The following MROH6 variants were observed in gnomAD, a reference collection of about 807,000 sequenced individuals.
MROH6 encodes maestro heat-like repeat-containing protein family member 6.
Under a neutral mutation model 67.7 loss-of-function variants are expected in MROH6, and 62 were observed. The ratio of observed to expected loss-of-function variants is 0.92; its 90% CI spans 0.75 to 1.13. The LOEUF (loss-of-function observed/expected upper bound fraction) is 1.13, where lower values mean the gene tolerates loss of function less well. MROH6 is among the 50% of genes most tolerant of loss of function. The probability of loss-of-function intolerance (pLI) is 0.00; values close to 1 mark genes in which losing one functional copy is unlikely to be tolerated. For synonymous variants in MROH6, 566 were observed against 470.8 expected (o/e 1.20, Z -2.62); for missense variants, 1,175 against 1,029.1 (o/e 1.14, Z -1.94).
Position 143,567,641 on chromosome 8 carries a change from TGACACAGCC to T in MROH6, c.1894_1902del (p.Gly632_Val634del). 6.4e-7 allele frequency: 1 copy of T among 1,573,042 alleles called. No homozygotes were observed. Among genetic ancestry groups the T allele is most frequent in the Admixed American group, 1.8e-5 (1 of 54,090 alleles). On this transcript the variant is annotated inframe_deletion, in exon 13 of 14. Coordinates refer to ENST00000398882, the MANE Select transcript of MROH6 (RefSeq NM_001100878.2). ...AACAGGGAGTCCAGCAGGTCCTGGTTGACACAGCCGGGGCTGGCGTGGTGGACAAGGAAG... is the reference window on the plus strand; with the variant it reads ...AACAGGGAGTCCAGCAGGTCCTGGTTGGGGCTGGCGTGGTGGACAAGGAAG...
chr8:143,568,741 G>A (rs745442662), intron 9 of MROH6, 22 bp from the exon 10 acceptor site: 4 of 1,455,832 alleles, frequency 2.7e-6, no homozygotes, highest in Admixed American at 5.0e-5. Context: ...GGCGCAGTCA[G>A]GGCAGGCGGA....
chr8:143,567,528 C>G, intron 13 of MROH6, 63 bp from the exon 14 acceptor site: 4 of 1,461,160 alleles, frequency 2.7e-6, no homozygotes. Context: ...GGCCCCTGGC[C>G]CTCCACCCAC....
At chr8:143,570,423 A>G (rs1386056672) in intron 5 of MROH6, 43 bp from the exon 6 acceptor site, 1 of 1,279,718 alleles carries the variant, frequency 7.8e-7, no homozygotes. Flanking sequence ...GGGAGCTGAG[A>G]GGGTGACAGC....
intron 4 of MROH6, 27 bp downstream of exon 4, chr8:143,570,850 C>G: frequency 6.9e-7 from 1 of 1,450,934 alleles, no homozygotes; most frequent in Admixed American, 2.0e-5. Flanking sequence ...CCGCCCCCAC[C>G]CCCTGGTAAT....
chr8:143,569,393 G>A, intron 9 of MROH6, 48 bp downstream of exon 9: 2 of 1,358,848 alleles, frequency 1.5e-6, no homozygotes, highest in Non-Finnish European at 1.9e-6. Flanking sequence ...AAGGGCGGGG[G>A]CGGTGACAGC....
In MROH6 at chr8:143,568,433, C is replaced by G. The variant is rs1243846156; in HGVS notation, c.1644+119G>C. Reference sequence around the variant, plus strand: ...GTAGTAACCTGGCCGCCCGTCACACCTGCCACTGAGGTCCTTGGGATGGGT... The same window carrying G: ...GTAGTAACCTGGCCGCCCGTCACACGTGCCACTGAGGTCCTTGGGATGGGT... On this transcript the variant is annotated intron_variant, in intron 10 of 13. Coordinates refer to ENST00000398882, the MANE Select transcript of MROH6 (RefSeq NM_001100878.2). 7.0e-6 allele frequency: 10 copies of G among 1,438,140 alleles called. No individual in the cohort carries two copies. In the African/African-American group the frequency reaches 9.9e-5, roughly 14 times the overall value. The allele number at this position is 1,438,140 out of a possible 1,614,324, so 89.1% of individuals were successfully genotyped here. A position where few individuals can be genotyped will look rare whatever the true frequency, so the allele number is the denominator to read the frequency against.
At chr8:143,571,896 T>TCCACCC (rs1824067272) in intron 2 of MROH6, 75 bp from the exon 3 acceptor site, 2 of 1,277,856 alleles carry the variant, frequency 1.6e-6, no homozygotes, top group African/African-American at 1.7e-5. Flanking sequence ...GCACCCCACC[T>TCCACCC]CCACCCCCAC....
rs930191507 is a variant in MROH6 at position 143,567,035 on chromosome 8, C to T, written c.*204G>A. 157 of 334,048 alleles carry T rather than the reference C, an allele frequency of 4.7e-4. 1 individual carries two copies. Among genetic ancestry groups the T allele is most frequent in the Non-Finnish European group, 6.7e-4 (130 of 194,552 alleles). The allele number at this position is 334,048 out of a possible 1,614,324, so 20.7% of individuals were successfully genotyped here. A position where few individuals can be genotyped will look rare whatever the true frequency, so the allele number is the denominator to read the frequency against. ...GGGGCTGTGAGAACAAGAGCCCTGA[C>T]GGGGACAGATGGGTGCTGGCTGTCC... is the stretch of plus-strand genomic sequence containing the variant. On this transcript the variant is annotated 3_prime_UTR_variant, in exon 14 of 14. Coordinates refer to ENST00000398882, the MANE Select transcript of MROH6 (RefSeq NM_001100878.2).
rs757730419 is a variant in MROH6, at chr8:143,567,270, C to T, written c.2129G>A (p.Arg710His). The change falls in exon 14 of 14, where the codon CGC (arginine) becomes CAC (histidine). Residue 710 changes from arginine (R) to histidine (H), a missense_variant. Transcript: ENST00000398882. ...TCGGCGGGGTCCGGAGCAGCCCCAG[C>T]GGCCCGCGACGCTCCGGCGCTGGAA... Reference protein sequence around the residue: ...SPFQRRSVAGRWGCSGPRRA With the variant: ...SPFQRRSVAGHWGCSGPRRA The T allele has an allele frequency of 2.2e-4, 270 of 1,222,190 alleles. 3 individuals are homozygous for T. The Middle Eastern group carries it at 5.7e-3, about 26-fold the overall frequency. 75.7% of individuals were successfully genotyped at this position (1,222,190 alleles called of 1,614,324 possible).
rs890982340 is a variant in MROH6, at chr8:143,567,191, G to A, written c.*48C>T. On this transcript the variant is annotated 3_prime_UTR_variant, in exon 14 of 14. Coordinates refer to ENST00000398882, the MANE Select transcript of MROH6 (RefSeq NM_001100878.2). ...AGGGCGGGGACAGGCTGCTATGCGC[G>A]TGGGGTGCCCGAGTCGGACCCTGGC... 105 of 1,090,316 alleles carry A rather than the reference G, an allele frequency of 9.6e-5. 1 individual carries two copies. The highest frequency in any genetic ancestry group is 8.7e-4 in the Admixed American group (20 of 23,008). 67.5% of individuals were successfully genotyped at this position (1,090,316 alleles called of 1,614,324 possible).
chr8:143,571,884 C>T, intron 2 of MROH6, 63 bp from the exon 3 acceptor site: 1 of 1,503,500 alleles, frequency 6.7e-7, no homozygotes, highest in Non-Finnish European at 8.9e-7. Flanking sequence ...CCCCTCTGGC[C>T]TGCACCCCAC....
rs1327841016 is a variant in MROH6, at chr8:143,572,018, T to A, written c.447+15A>T. The A allele has an allele frequency of 4.4e-6, 7 of 1,605,352 alleles. No homozygotes were observed. The highest frequency in any genetic ancestry group is 1.7e-5 in the Admixed American group (1 of 59,100). ...CGGCAGGATTCTGTAGGGCATGAAG[T>A]GGGTGAAGGCTGACCTGGTCCTCCA... On this transcript the variant is annotated intron_variant, in intron 2 of 13. Coordinates refer to ENST00000398882, the MANE Select transcript of MROH6 (RefSeq NM_001100878.2).
Position 143,567,025 on chromosome 8 carries a change from A to C in MROH6, c.*214T>G. The C allele has an allele frequency of 1.5e-5, 5 of 338,954 alleles. No homozygotes were observed. Among genetic ancestry groups the C allele is most frequent in the Non-Finnish European group, 1.6e-5 (3 of 190,254 alleles). 21.0% of individuals were successfully genotyped at this position (338,954 alleles called of 1,614,324 possible). A position where few individuals can be genotyped will look rare whatever the true frequency, so the allele number is the denominator to read the frequency against. Reference sequence around the variant, plus strand: ...CATGCTCCAGGGGGCTGTGAGAACAAGAGCCCTGACGGGGACAGATGGGTG... The same window carrying C: ...CATGCTCCAGGGGGCTGTGAGAACACGAGCCCTGACGGGGACAGATGGGTG... On this transcript the variant is annotated 3_prime_UTR_variant, in exon 14 of 14. Transcript: ENST00000398882.
rs1823873595 is a variant in MROH6, at chr8:143,569,560, C to T, written c.1357G>A (p.Asp453Asn). The change falls in exon 9 of 14, where the codon GAC (aspartate) becomes AAC (asparagine). Residue 453 changes from aspartate (D) to asparagine (N), a missense_variant. Physicochemically the swap from Asp to Asn is conservative, Grantham distance 23. Coordinates refer to ENST00000398882, the MANE Select transcript of MROH6 (RefSeq NM_001100878.2). ...AGCGCTGCACCCACGAGCCGCGCGTCGCCTTCGCCCAGTGCGCCCAGGAGC... is the reference window on the plus strand; with the variant it reads ...AGCGCTGCACCCACGAGCCGCGCGTTGCCTTCGCCCAGTGCGCCCAGGAGC... ...PALLGALGEG[D>N]ARLVGAALGA... The T allele has an allele frequency of 2.6e-6, 4 of 1,544,082 alleles. No individual in the cohort carries two copies. Among genetic ancestry groups the T allele is most frequent in the African/African-American group, 1.4e-5 (1 of 72,878 alleles).
chr8:143,567,008 A>T lies in MROH6; in HGVS notation c.*231T>A. 1 of 334,584 alleles carries T rather than the reference A, an allele frequency of 3.0e-6. No individual in the cohort carries two copies. Among genetic ancestry groups the T allele is most frequent in the Non-Finnish European group, 5.4e-6 (1 of 186,756 alleles). 20.7% of individuals were successfully genotyped at this position (334,584 alleles called of 1,614,324 possible). On this transcript the variant is annotated 3_prime_UTR_variant, in exon 14 of 14. Coordinates refer to ENST00000398882, the MANE Select transcript of MROH6 (RefSeq NM_001100878.2). ...AAGGTTGGGGCATGGGGCATGCTCC[A>T]GGGGGCTGTGAGAACAAGAGCCCTG... is the stretch of plus-strand genomic sequence containing the variant.
In MROH6 at chr8:143,572,686, C is replaced by T. The variant is rs201459550; in HGVS notation, c.29G>A (p.Arg10Gln). The T allele has an allele frequency of 7.5e-4, 1,143 of 1,517,056 alleles. 1 individual carries two copies. The highest frequency in any genetic ancestry group is 9.4e-4 in the Non-Finnish European group (1,067 of 1,135,932). The allele number at this position is 1,517,056 out of a possible 1,614,324, so 94.0% of individuals were successfully genotyped here. A position where few individuals can be genotyped will look rare whatever the true frequency, so the allele number is the denominator to read the frequency against. MAGGVWGRS[R>Q]AREAPVGALT... ...AGCCCCCACGGGAGCCTCCCGGGCC[C>T]GGCTCCGGCCCCACACACCCCCAGC... Residue 10 changes from arginine (R) to glutamine (Q), a missense_variant, in exon 1 of 14, where the codon CGG (arginine) becomes CAG (glutamine). Physicochemically the swap from Arg to Gln is conservative, Grantham distance 43 (BLOSUM62 1). Transcript: ENST00000398882.
chr8:143,572,046 C>T lies in MROH6; in HGVS notation c.434G>A (p.Arg145Gln), dbSNP rs749927588. The change falls in exon 2 of 14, where the codon CGG (arginine) becomes CAG (glutamine). Residue 145 changes from arginine (R) to glutamine (Q), a missense_variant. Arg to Gln is a conservative substitution (Grantham distance 43, BLOSUM62 1). Transcript: ENST00000398882. ...LSSALEARGE[R>Q]LEDQVHALVR... The stretch of plus-strand genomic sequence containing the variant: ...GTGAAGGCTGACCTGGTCCTCCAAC[C>T]GCTCGCCCCGGGCCTCCAGGGCTGA... 47 of 1,611,332 alleles carry T rather than the reference C, an allele frequency of 2.9e-5. No individual in the cohort carries two copies. Among genetic ancestry groups the T allele is most frequent in the African/African-American group, 4.0e-5 (3 of 74,870 alleles).
chr8:143,569,480 G>A lies in MROH6; in HGVS notation c.1437C>T (p.Ser479=), dbSNP rs1262851464. Residue 479 remains serine (S), a synonymous_variant, in exon 9 of 14, where the codon AGC becomes AGT. Transcript: ENST00000398882. ...LRPRAPVRLL[S]AELGPRLPPL... is the part of the protein sequence containing the mutation. ...GAGGGAGGCGCGGTCCCAGCTCCGC[G>A]CTCAGGAGCCGCACAGGCGCCCGGG... The A allele has an allele frequency of 4.1e-6, 6 of 1,475,484 alleles. No individual in the cohort carries two copies. Among genetic ancestry groups the A allele is most frequent in the Non-Finnish European group, 4.5e-6 (5 of 1,122,880 alleles). 91.4% of individuals were successfully genotyped at this position (1,475,484 alleles called of 1,614,324 possible). A position where few individuals can be genotyped will look rare whatever the true frequency, so the allele number is the denominator to read the frequency against.
chr8:143,572,743 TGCTCCTCCTGCGAA>T lies in MROH6; in HGVS notation c.-43_-30del. ...GGCCCTTGCCTGCAGCACCTGCCGCTGCTCCTCCTGCGAAGTTGTGCCCAGGACTGACCTAGAAG... is the reference window on the plus strand; with the variant it reads ...GGCCCTTGCCTGCAGCACCTGCCGCTGTTGTGCCCAGGACTGACCTAGAAG... On this transcript the variant is annotated 5_prime_UTR_variant, in exon 1 of 14. Coordinates refer to ENST00000398882, the MANE Select transcript of MROH6 (RefSeq NM_001100878.2). The T allele has an allele frequency of 1.4e-6, 2 of 1,447,350 alleles. No individual in the cohort carries two copies. Among genetic ancestry groups the T allele is most frequent in the Non-Finnish European group, 9.1e-7 (1 of 1,104,352 alleles). 89.7% of individuals were successfully genotyped at this position (1,447,350 alleles called of 1,614,324 possible). A position where few individuals can be genotyped will look rare whatever the true frequency, so the allele number is the denominator to read the frequency against.
Sources: gnomAD v4.1 joint callset for allele counts on GRCh38, gnomAD v4.1.1 for gene constraint, MANE v1.5 for transcripts, NCBI Gene and HGNC (gene_info 2026-07-23, HGNC 2026-07-21) for gene names.